DYNC2H1: variants seen among roughly 807,000 people sequenced by gnomAD.
DYNC2H1 encodes the protein dynein cytoplasmic 2 heavy chain 1.
A neutral mutation model predicts 570.0 loss-of-function variants in DYNC2H1; 410 were observed. That is an observed-to-expected ratio of 0.72 (90% CI 0.66 to 0.78). The LOEUF (loss-of-function observed/expected upper bound fraction) is 0.78, where lower values mean the gene tolerates loss of function less well. Among genes scored for constraint, DYNC2H1 ranks in the 30% least tolerant of loss-of-function variants. DYNC2H1 has a pLI of 0.00. For missense variants in DYNC2H1, 4,865 were observed against 5,046.4 expected, an observed-to-expected ratio of 0.96 and a Z score of 1.09; for synonymous variants, 1,688 against 1,677.6, an observed-to-expected ratio of 1.01 and a Z score of -0.15.
chr11:103,288,789 G>A (rs142143425), intron 75 of DYNC2H1, among the ~76,000 whole-genome samples: 17,574 of 148,660 alleles, frequency 0.12, 1,303 homozygotes, highest in Admixed American at 0.22. Flanking sequence ...GCTGAGGCAG[G>A]AGAAATGCTG....
Position 103,169,079 on chromosome 11 carries a change from A to G in DYNC2H1, c.4968+119A>G, listed in dbSNP as rs1861460930. The G allele has an allele frequency of 5.4e-6, 5 of 931,330 alleles. No individual in the cohort carries two copies. The South Asian group carries it at 1.0e-4, about 19-fold the overall frequency. The allele number at this position is 931,330 out of a possible 1,614,324, so 57.7% of individuals were successfully genotyped here. On this transcript the variant is annotated intron_variant, in intron 32 of 88. Coordinates refer to ENST00000375735, the MANE Select transcript of DYNC2H1 (RefSeq NM_001377.3). ...GTAATTTTTCCATAATATTTTTAGT[A>G]TTATTGTCTTGTTTAATCAGAATTA...
intron 80 of DYNC2H1, 95 bp downstream of exon 80, chr11:103,316,715 A>G (rs929146312): frequency 1.6e-5 from 15 of 916,862 alleles, no homozygotes; most frequent in Admixed American, 3.7e-5. Flanking sequence ...TTAACTTCCT[A>G]TCACAAAATT....
chr11:103,136,692 G>A (rs1368595610), intron 17 of DYNC2H1, among the ~76,000 whole-genome samples: 1 of 152,116 alleles, frequency 6.6e-6, no homozygotes, highest in Non-Finnish European at 1.5e-5. Flanking sequence ...ACATACGTGT[G>A]CATGTGTCTT....
Position 103,439,881 on chromosome 11 carries a change from T to C in DYNC2H1, c.12456+3849T>C, listed in dbSNP as rs1216790481. ...ATTTCCCTGGCTTCAAATTTTTCTGTCTTTTCTTCAGAAATAACATCTTCA... is the reference window on the plus strand; with the variant it reads ...ATTTCCCTGGCTTCAAATTTTTCTGCCTTTTCTTCAGAAATAACATCTTCA... On this transcript the variant is annotated intron_variant, in intron 85 of 88. Transcript: ENST00000375735. This position sits in a 1 kb window ranked among gnomAD's most constrained non-coding sequence, Gnocchi z 4.1. Among the ~76,000 whole-genome samples, 3 of 152,184 alleles carry C rather than the reference T, an allele frequency of 2.0e-5. No homozygotes were observed. Among genetic ancestry groups the C allele is most frequent in the African/African-American group, 7.2e-5 (3 of 41,456 alleles).
chr11:103,200,080 T>C lies in DYNC2H1; in HGVS notation c.8123T>C (p.Val2708Ala). The C allele has an allele frequency of 6.3e-7, 1 of 1,589,706 alleles. No individual in the cohort carries two copies. The highest frequency in any genetic ancestry group is 8.6e-7 in the Non-Finnish European group (1 of 1,166,520). ...LQLAGIEAQQ[V>A]VLLLEDYQFV... ...CTTGCAGGAATTGAAGCACAACAGG[T>C]AGTTTTACTTCTTGAGGATTACCAG... The change falls in exon 50 of 89, where the codon GTA (valine) becomes GCA (alanine). Residue 2708 changes from valine (V) to alanine (A), a missense_variant. Val to Ala is a moderately conservative substitution (Grantham distance 64). Transcript: ENST00000375735.
In DYNC2H1 at chr11:103,459,958, C is replaced by CAAAAA. The variant is rs376050088; in HGVS notation, c.12648+3608_12648+3612dup. Among the ~76,000 whole-genome samples the CAAAAA allele has an allele frequency of 1.1e-3, 79 of 70,814 alleles. 3 individuals carry two copies. The highest frequency in any genetic ancestry group is 4.0e-3 in the African/African-American group (61 of 15,322). The allele number at this position is 70,814 out of a possible 152,430, so 46.5% of individuals were successfully genotyped here. ...TGGGCGACAGAGCGAGACTCCGTCTCAAAAAAAAAAGAAAAAAAAAAAAAA... is the reference window on the plus strand; with the variant it reads ...TGGGCGACAGAGCGAGACTCCGTCTCAAAAAAAAAAAAAAAGAAAAAAAAAAAAAA... On this transcript the variant is annotated intron_variant, in intron 87 of 88. Coordinates refer to ENST00000375735, the MANE Select transcript of DYNC2H1 (RefSeq NM_001377.3).
intron 85 of DYNC2H1, among the ~76,000 whole-genome samples, chr11:103,436,335 C>T (rs1029496380): frequency 6.6e-6 from 1 of 151,840 alleles, no homozygotes; most frequent in Non-Finnish European, 1.5e-5. Context: ...ATCACTGTGA[C>T]TAGTTTGCCT....
chr11:103,359,649 ATTTACTTTTTTTTT>A (rs1172178840), intron 83 of DYNC2H1, among the ~76,000 whole-genome samples: 1 of 133,788 alleles, frequency 7.5e-6, no homozygotes, highest in Non-Finnish European at 1.6e-5. Context: ...CCAAACCCTC[ATTTACTTTTTTTTT>A]TTTACTTTTT....
At chr11:103,332,585 C>A (rs1328379524) in intron 82 of DYNC2H1, among the ~76,000 whole-genome samples, 2 of 152,150 alleles carry the variant, frequency 1.3e-5, no homozygotes, top group Non-Finnish European at 2.9e-5. Flanking sequence ...AATATTAGAG[C>A]AGCTTTTTCC....
At chr11:103,224,914 A>C (rs1243718637) in intron 59 of DYNC2H1, among the ~76,000 whole-genome samples, 1 of 151,960 alleles carries the variant, frequency 6.6e-6, no homozygotes, top group South Asian at 2.1e-4. Context: ...CAACATCTAT[A>C]CTTTTTTAAT....
intron 20 of DYNC2H1, among the ~76,000 whole-genome samples, chr11:103,149,380 C>T (rs1187078317): frequency 1.3e-5 from 2 of 152,020 alleles, no homozygotes; most frequent in Non-Finnish European, 2.9e-5. Context: ...ATAGACAAGC[C>T]AAAGTTTTAT....
intron 85 of DYNC2H1, among the ~76,000 whole-genome samples, chr11:103,437,476 AT>A (rs1944106708): frequency 6.6e-6 from 1 of 150,966 alleles, no homozygotes; most frequent in Non-Finnish European, 1.5e-5. Flanking sequence ...GGCTTCTATT[AT>A]AACCAGTTCT....
intron 70 of DYNC2H1, among the ~76,000 whole-genome samples, chr11:103,279,418 G>C (rs915297179): frequency 6.6e-6 from 1 of 152,184 alleles, no homozygotes; most frequent in African/African-American, 2.4e-5. Flanking sequence ...ACCGGCAGTG[G>C]AATGTATGCG....
chr11:103,236,764 T>G (rs553673653), intron 63 of DYNC2H1, among the ~76,000 whole-genome samples: 2 of 152,086 alleles, frequency 1.3e-5, no homozygotes, highest in East Asian at 3.9e-4. Context: ...ATTCTTTTGA[T>G]GGCAAAATAT....
At chr11:103,432,064 G>T (rs1943912002) in intron 84 of DYNC2H1, among the ~76,000 whole-genome samples, 1 of 152,220 alleles carries the variant, frequency 6.6e-6, no homozygotes, top group African/African-American at 2.4e-5. Context: ...CAGCAACCAT[G>T]ACCTTTTTTT....
intron 50 of DYNC2H1, among the ~76,000 whole-genome samples, chr11:103,202,071 A>C (rs1412971988): frequency 1.3e-5 from 2 of 152,210 alleles, no homozygotes; most frequent in South Asian, 4.1e-4. Context: ...TTTAAACATT[A>C]GTGCCCAGAT....
At chr11:103,287,157 C>G (rs7104306) in intron 74 of DYNC2H1, among the ~76,000 whole-genome samples, 25,240 of 151,674 alleles carry the variant, frequency 0.17, 2,268 homozygotes, top group Admixed American at 0.25. Flanking sequence ...TTTTTTTAAA[C>G]GTAAAAATAG....
intron 84 of DYNC2H1, among the ~76,000 whole-genome samples, chr11:103,412,514 AC>A (rs1231170343): frequency 1.3e-5 from 2 of 152,182 alleles, no homozygotes; most frequent in Non-Finnish European, 2.9e-5. Flanking sequence ...AAGAGAATGT[AC>A]CATTTTAGTA....
intron 83 of DYNC2H1, among the ~76,000 whole-genome samples, chr11:103,362,752 G>A (rs1384658671): frequency 6.6e-6 from 1 of 152,160 alleles, no homozygotes; most frequent in Middle Eastern, 3.2e-3. Flanking sequence ...ATAGGTGGCT[G>A]GGCGCAGTGG....
Sources: allele counts gnomAD v4.1 joint callset (sites outside exome capture counted in the v4.1 genomes callset), GRCh38; gene constraint gnomAD v4.1.1; non-coding constraint Gnocchi (gnomAD v3.1); transcripts MANE v1.5; gene names NCBI Gene and HGNC (gene_info 2026-07-23, HGNC 2026-07-21).